PIK3C2B: variants seen among roughly 807,000 people sequenced by gnomAD.
PIK3C2B encodes phosphatidylinositol-4-phosphate 3-kinase catalytic subunit type 2 beta, also known as phosphatidylinositol 4-phosphate 3-kinase C2 domain-containing subunit beta.
A neutral mutation model predicts 184.3 loss-of-function variants in PIK3C2B; 83 were observed. That is an observed-to-expected ratio of 0.45 (90% CI 0.38 to 0.54). PIK3C2B has a LOEUF of 0.54. Ranked by LOEUF, PIK3C2B falls within the 20% of genes least tolerant of loss-of-function variation. The pLI is 0.00. For synonymous variants in PIK3C2B, 779 were observed against 837.6 expected, an observed-to-expected ratio of 0.93 and a Z score of 1.21; for missense variants, 1,736 against 2,113.5, an observed-to-expected ratio of 0.82 and a Z score of 3.50.
In PIK3C2B at chr1:204,460,347, C is replaced by T. The variant is rs995721403; in HGVS notation, c.1479G>A (p.Arg493=). Reference sequence around the variant, plus strand: ...ACCTGCTGATGGTCTGCTTGACAGGCCTCTCTTGGAGATGGACGAGGTAGT... The same window carrying T: ...ACCTGCTGATGGTCTGCTTGACAGGTCTCTCTTGGAGATGGACGAGGTAGT... ...TLNYLVHLQE[R]PVKQTISRQA... Residue 493 remains arginine (R), a synonymous_variant, in exon 7 of 33, where the codon AGG becomes AGA. Transcript: ENST00000684373. 2.5e-6 allele frequency: 4 copies of T among 1,613,810 alleles called. No individual in the cohort carries two copies. In the Admixed American group the frequency reaches 5.0e-5, roughly 20 times the overall value.
chr1:204,480,595 C>T lies in PIK3C2B; in HGVS notation c.-84-10709G>A, dbSNP rs1420567230. On this transcript the variant is annotated intron_variant, in intron 1 of 32. Coordinates refer to ENST00000684373, the MANE Select transcript of PIK3C2B (RefSeq NM_001377334.1). ...AGAGTAGAGGAGGCAGGGCCAGCAGCTCCCAGGTGGTGGTGCTGTCTGTGG... is the reference window on the plus strand; with the variant it reads ...AGAGTAGAGGAGGCAGGGCCAGCAGTTCCCAGGTGGTGGTGCTGTCTGTGG... Among the ~76,000 whole-genome samples the T allele has an allele frequency of 2.6e-5, 4 of 152,028 alleles. No homozygotes were observed. In the East Asian group the frequency reaches 7.7e-4, roughly 29 times the overall value.
chr1:204,461,065 C>T (rs1344188462), intron 5 of PIK3C2B, among the ~76,000 whole-genome samples: 1 of 152,066 alleles, frequency 6.6e-6, no homozygotes, highest in Non-Finnish European at 1.5e-5. Flanking sequence ...TGTTGGAGTC[C>T]ACCTGTGCTC....
In PIK3C2B at chr1:204,459,943, TG is replaced by T. The variant is rs756355264; in HGVS notation, c.1503-3del. On this transcript the variant is annotated splice_polypyrimidine_tract_variant and splice_region_variant and intron_variant, in intron 7 of 32. Coordinates refer to ENST00000684373, the MANE Select transcript of PIK3C2B (RefSeq NM_001377334.1). ...TCGAACAGAAGACTCAGGGCCTGCC[TG>T]GGAGTTGGGGGCAGGGAAAAACCAC... The T allele has an allele frequency of 6.0e-5, 97 of 1,613,480 alleles. 1 individual carries two copies. In the South Asian group the frequency reaches 1.1e-3, roughly 18 times the overall value.
At position 204,432,396 on chromosome 1, in the gene PIK3C2B, A is replaced by G; in HGVS notation, c.3959T>C (p.Ile1320Thr). 1 of 1,613,910 alleles carries G rather than the reference A, an allele frequency of 6.2e-7. No homozygotes were observed. The highest frequency in any genetic ancestry group is 8.5e-7 in the Non-Finnish European group (1 of 1,179,810). The change falls in exon 27 of 33, where the codon ATT becomes ACT. Residue 1320 changes from isoleucine (I) to threonine (T), a missense_variant. Transcript: ENST00000684373. Reference protein sequence around the residue: ...ANATTYFTRLIESSLGSVATK... With the variant: ...ANATTYFTRLTESSLGSVATK... ...GGCTACACTGCCCAGGCTGGACTCA[A>G]TCAACCTGGCAGGAGGATAAGAAAA...
chr1:204,470,291 C>T (rs1267560127), intron 1 of PIK3C2B, among the ~76,000 whole-genome samples: 1 of 152,040 alleles, frequency 6.6e-6, no homozygotes, highest in African/African-American at 2.4e-5. Context: ...CCTCAGCCTC[C>T]CTAGTAGCTG....
At position 204,459,958 on chromosome 1, in the gene PIK3C2B, G is replaced by C. The variant is rs974106233; in HGVS notation, c.1503-17C>G. On this transcript the variant is annotated splice_polypyrimidine_tract_variant and intron_variant, in intron 7 of 32. Coordinates refer to ENST00000684373, the MANE Select transcript of PIK3C2B (RefSeq NM_001377334.1). Reference sequence around the variant, plus strand: ...AGGGCCTGCCTGGGAGTTGGGGGCAGGGAAAAACCACAGGAGAGGTCATGA... The same window carrying C: ...AGGGCCTGCCTGGGAGTTGGGGGCACGGAAAAACCACAGGAGAGGTCATGA... 5 of 1,611,836 alleles carry C rather than the reference G, an allele frequency of 3.1e-6. No homozygotes were observed. Among genetic ancestry groups the C allele is most frequent in the Non-Finnish European group, 3.4e-6 (4 of 1,178,470 alleles).
chr1:204,449,572 G>C (rs547988148), intron 13 of PIK3C2B, among the ~76,000 whole-genome samples: 1 of 152,136 alleles, frequency 6.6e-6, no homozygotes, highest in African/African-American at 2.4e-5. Flanking sequence ...GACCTCTAAG[G>C]TTCTTCCAAT....
chr1:204,441,970 G>A (rs571452772), intron 20 of PIK3C2B, among the ~76,000 whole-genome samples: 4 of 152,210 alleles, frequency 2.6e-5, no homozygotes, highest in South Asian at 4.2e-4. Context: ...GAACAGGGCC[G>A]GGCACAGAGA....
At chr1:204,486,078 C>A (rs1411403270) in intron 1 of PIK3C2B, among the ~76,000 whole-genome samples, 1 of 152,170 alleles carries the variant, frequency 6.6e-6, no homozygotes, top group Non-Finnish European at 1.5e-5. Flanking sequence ...CTACAAAGCA[C>A]TTTTATAGAC....
At chr1:204,446,226 C>A in intron 15 of PIK3C2B, 82 bp from the exon 16 acceptor site, 8 of 979,390 alleles carry the variant, frequency 8.2e-6, no homozygotes, top group Non-Finnish European at 1.2e-5. Flanking sequence ...GGGTGCAGCC[C>A]TTACCCTCAA....
chr1:204,478,493 T>A (rs894847302), intron 1 of PIK3C2B, among the ~76,000 whole-genome samples: 2 of 152,230 alleles, frequency 1.3e-5, no homozygotes, highest in African/African-American at 4.8e-5. Context: ...ACCCACAGGT[T>A]GTATACAGCT....
chr1:204,436,861 T>C (rs561027803), intron 23 of PIK3C2B, among the ~76,000 whole-genome samples: 1 of 152,104 alleles, frequency 6.6e-6, no homozygotes, highest in East Asian at 1.9e-4. Flanking sequence ...GGGAGGTTGG[T>C]AGTAGAAAGG....
At chr1:204,467,382 A>T in intron 2 of PIK3C2B, 1 of 158,670 alleles carries the variant, frequency 6.3e-6, no homozygotes, top group Admixed American at 6.0e-5. Flanking sequence ...TTTTGGGGGG[A>T]CTCTCTTAGG....
At position 204,425,708 on chromosome 1, in the gene PIK3C2B, A is replaced by T. The variant is rs1452047567; in HGVS notation, c.4621T>A (p.Tyr1541Asn). ...LLQDGNDPDP[Y>N]VKIYLLPDPQ... ...TCAGGAAGGAGGTAAATTTTCACAT[A>T]GGGGTCAGGGTCATTTCCATCCTGG... The change falls in exon 32 of 33, where the codon TAT (tyrosine) becomes AAT (asparagine). Residue 1541 changes from tyrosine to asparagine, a missense_variant. Tyr to Asn is a moderately radical substitution (Grantham distance 143, BLOSUM62 -2). Transcript: ENST00000684373. 4 of 1,614,010 alleles carry T rather than the reference A, an allele frequency of 2.5e-6. No homozygotes were observed. Among genetic ancestry groups the T allele is most frequent in the Non-Finnish European group, 3.4e-6 (4 of 1,179,954 alleles).
At position 204,432,228 on chromosome 1, in the gene PIK3C2B, T is replaced by A; in HGVS notation, c.4127A>T (p.Glu1376Val). 6.2e-7 allele frequency: 1 copy of A among 1,614,066 alleles called. No individual in the cohort carries two copies. The highest frequency in any genetic ancestry group is 1.7e-4 in the Middle Eastern group (1 of 6,042). The change falls in exon 27 of 33, where the codon GAG becomes GTG. Residue 1376 changes from glutamate to valine, a missense_variant. Physicochemically the swap from Glu to Val is moderately radical, Grantham distance 121. This residue lies in a region of PIK3C2B where 200 missense variants were observed against 199.1 expected (regional missense o/e 1.00). Transcript: ENST00000684373. Reference protein sequence around the residue: ...RISDVFLCRHEKIFHPNKGYI... With the variant: ...RISDVFLCRHVKIFHPNKGYI... The stretch of plus-strand genomic sequence containing the variant: ...GCCTTTGTTGGGGTGGAAGATCTTC[T>A]CATGGCGGCAGAGGAAAACATCACT...
In PIK3C2B at chr1:204,425,759, C is replaced by A. The variant is rs1463545788; in HGVS notation, c.4588-18G>T. On this transcript the variant is annotated intron_variant, in intron 31 of 32. Transcript: ENST00000684373. Reference sequence around the variant, plus strand: ...AGCAGTTGCTACAATAGAATGAGAACCAAAAAAATGTTAAGATTTTTAACA... The same window carrying A: ...AGCAGTTGCTACAATAGAATGAGAAACAAAAAAATGTTAAGATTTTTAACA... The A allele has an allele frequency of 3.1e-6, 5 of 1,601,136 alleles. No individual in the cohort carries two copies. In the Admixed American group the frequency reaches 5.2e-5, roughly 16 times the overall value.
chr1:204,440,964 G>A lies in PIK3C2B; in HGVS notation c.3249+507C>T, dbSNP rs148844393. ...TTTAGACTTTGGATTTGGAACTTGC[G>A]CATAGCAAATATATAAGTTACTAAG... On this transcript the variant is annotated intron_variant, in intron 21 of 32. Transcript: ENST00000684373. 4.1e-4 allele frequency among the ~76,000 whole-genome samples: 62 copies of A among 152,178 alleles called. 1 individual carries two copies. The highest frequency in any genetic ancestry group is 4.1e-4 in the South Asian group (2 of 4,824).
In PIK3C2B at chr1:204,424,439, C is replaced by A. The variant is rs1298275715; in HGVS notation, c.*413G>T. ...CTTCTGGGGCATAGGTACGTCCCTTCTCGCAAGGCTTCCTGTCCCAGTTAG... is the reference window on the plus strand; with the variant it reads ...CTTCTGGGGCATAGGTACGTCCCTTATCGCAAGGCTTCCTGTCCCAGTTAG... On this transcript the variant is annotated 3_prime_UTR_variant, in exon 33 of 33. Transcript: ENST00000684373. 1 of 340,864 alleles carries A rather than the reference C, an allele frequency of 2.9e-6. No homozygotes were observed. Among genetic ancestry groups the A allele is most frequent in the Non-Finnish European group, 5.8e-6 (1 of 171,806 alleles). The allele number at this position is 340,864 out of a possible 1,614,324, so 21.1% of individuals were successfully genotyped here.
intron 2 of PIK3C2B, among the ~76,000 whole-genome samples, chr1:204,465,960 C>T (rs1572367171): frequency 6.6e-6 from 1 of 152,344 alleles, no homozygotes; most frequent in East Asian, 1.9e-4. Context: ...TCCGAGTCAG[C>T]CGGCTCTGAA....
Sources: gnomAD v4.1 joint callset for allele counts (sites outside exome capture counted in the v4.1 genomes callset) on GRCh38, gnomAD v4.1.1 for gene constraint, gnomAD v4.1.1 regional missense constraint, MANE v1.5 for transcripts, NCBI Gene and HGNC (gene_info 2026-07-23, HGNC 2026-07-21) for gene names.